The following SEC22A variants were observed in gnomAD, a reference collection of about 807,000 sequenced individuals.
SEC22A encodes SEC22 homolog A, vesicle trafficking protein.
A neutral mutation model predicts 35.3 loss-of-function variants in SEC22A; 22 were observed. The ratio of observed to expected loss-of-function variants is 0.62; its 90% CI spans 0.45 to 0.89. SEC22A has a LOEUF of 0.89. Among genes scored for constraint, SEC22A ranks in the 40% least tolerant of loss-of-function variants. The pLI is 0.00. For missense variants in SEC22A, 354 were observed against 362.5 expected (o/e 0.98, Z 0.19); for synonymous variants, 119 against 129.5 (o/e 0.92, Z 0.55).
chr3:123,247,238 G>A (rs1382890344), intron 5 of SEC22A, among the ~76,000 whole-genome samples: 1 of 151,246 alleles, frequency 6.6e-6, no homozygotes, highest in Non-Finnish European at 1.5e-5. Context: ...CTTTTTTTTT[G>A]TACTCAACAT....
At chr3:123,243,088 C>T (rs1342335027) in intron 4 of SEC22A, among the ~76,000 whole-genome samples, 3 of 152,128 alleles carry the variant, frequency 2.0e-5, no homozygotes, top group Non-Finnish European at 4.4e-5. Flanking sequence ...CCCCACTTGT[C>T]ACAAACATCG....
At chr3:123,223,043 G>T (rs970515231) in intron 2 of SEC22A, among the ~76,000 whole-genome samples, 1 of 152,066 alleles carries the variant, frequency 6.6e-6, no homozygotes, top group East Asian at 1.9e-4. Context: ...CCCTCCCATG[G>T]TTCATAATTA....
At chr3:123,251,777 G>A (rs905106912) in intron 5 of SEC22A, among the ~76,000 whole-genome samples, 16 of 151,184 alleles carry the variant, frequency 1.1e-4, no homozygotes, top group East Asian at 3.9e-4. Context: ...TCCAGTTATC[G>A]AGGACTTTAT....
chr3:123,230,844 T>C (rs976100876), intron 4 of SEC22A, among the ~76,000 whole-genome samples: 1 of 151,936 alleles, frequency 6.6e-6, no homozygotes, highest in Non-Finnish European at 1.5e-5. Context: ...TGTTAATATA[T>C]TAAATAATCC....
chr3:123,202,587 C>G (rs1936768045), intron 1 of SEC22A, among the ~76,000 whole-genome samples: 1 of 152,096 alleles, frequency 6.6e-6, no homozygotes, highest in Non-Finnish European at 1.5e-5. Context: ...GAGACCTGAG[C>G]AATTGGCTCG....
At chr3:123,246,470 T>G (rs940116272) in intron 5 of SEC22A, among the ~76,000 whole-genome samples, 1 of 152,220 alleles carries the variant, frequency 6.6e-6, no homozygotes, top group Non-Finnish European at 1.5e-5. Flanking sequence ...GGGCTGTGTT[T>G]ATTCCACTTC....
intron 5 of SEC22A, among the ~76,000 whole-genome samples, chr3:123,246,238 C>A (rs1056535545): frequency 1.3e-5 from 2 of 152,166 alleles, no homozygotes; most frequent in African/African-American, 2.4e-5. Flanking sequence ...TTTATAGGCA[C>A]CCTGGGGACC....
At position 123,223,578 on chromosome 3, in the gene SEC22A, G is replaced by C; in HGVS notation, c.202G>C (p.Val68Leu). ...CTGTAGTTTTATTAGCTCTCTGGGA[G>C]TGAGCTACATGATGTTGTGCACTGA... Reference protein sequence around the residue: ...YNINFISSLGVSYMMLCTENY... With the variant: ...YNINFISSLGLSYMMLCTENY... The change falls in exon 3 of 7, where the codon GTG becomes CTG. Residue 68 changes from valine to leucine, a missense_variant. Physicochemically the swap from Val to Leu is conservative, Grantham distance 32. Coordinates refer to ENST00000492595, the MANE Select transcript of SEC22A (RefSeq NM_012430.5). The C allele has an allele frequency of 6.2e-7, 1 of 1,613,358 alleles. No homozygotes were observed. Among genetic ancestry groups the C allele is most frequent in the East Asian group, 2.2e-5 (1 of 44,844 alleles).
intron 4 of SEC22A, among the ~76,000 whole-genome samples, chr3:123,232,466 A>G (rs940229559): frequency 2.6e-5 from 4 of 152,178 alleles, no homozygotes; most frequent in African/African-American, 9.7e-5. Flanking sequence ...CCACAAAGAA[A>G]ACTCCAGGCC....
At chr3:123,253,897 G>A (rs1452124852) in intron 5 of SEC22A, among the ~76,000 whole-genome samples, 3 of 151,388 alleles carry the variant, frequency 2.0e-5, no homozygotes, top group Non-Finnish European at 4.4e-5. Context: ...CTACAAGACA[G>A]TGCCATAAAA....
At chr3:123,218,305 A>C (rs1418651163) in intron 2 of SEC22A, among the ~76,000 whole-genome samples, 2 of 152,196 alleles carry the variant, frequency 1.3e-5, no homozygotes, top group Non-Finnish European at 2.9e-5. Context: ...CAGGTAAAAG[A>C]AAAGCAGTAC....
chr3:123,237,030 T>C (rs1420447137), intron 4 of SEC22A, among the ~76,000 whole-genome samples: 1 of 152,200 alleles, frequency 6.6e-6, no homozygotes, highest in Non-Finnish European at 1.5e-5. Context: ...AAACTTTCGG[T>C]CTCTAGGTTT....
chr3:123,221,087 T>G (rs1423037775), intron 2 of SEC22A, among the ~76,000 whole-genome samples: 1 of 151,740 alleles, frequency 6.6e-6, no homozygotes, highest in Non-Finnish European at 1.5e-5. Context: ...TGTGAACATA[T>G]TTATTCTAAA....
In SEC22A at chr3:123,225,091, T is replaced by C; in HGVS notation, c.347-12T>C. 1 of 1,530,676 alleles carries C rather than the reference T, an allele frequency of 6.5e-7. No homozygotes were observed. The highest frequency in any genetic ancestry group is 1.2e-5 in the South Asian group (1 of 81,876). 94.8% of individuals were successfully genotyped at this position (1,530,676 alleles called of 1,614,324 possible). ...AGTGACTGCAAGGAAATTTATTTTT[T>C]ATTTTACATAGATAACTTCATTCAG... On this transcript the variant is annotated splice_polypyrimidine_tract_variant and intron_variant, in intron 3 of 6. Transcript: ENST00000492595.
At chr3:123,223,908 T>C (rs992251673) in intron 3 of SEC22A, among the ~76,000 whole-genome samples, 186 bp downstream of exon 3, 3 of 152,176 alleles carry the variant, frequency 2.0e-5, no homozygotes, top group African/African-American at 7.2e-5. Flanking sequence ...GTGTTTGAGC[T>C]GTGAAGGGGA....
At chr3:123,222,578 T>C (rs549975848) in intron 2 of SEC22A, among the ~76,000 whole-genome samples, 5 of 152,328 alleles carry the variant, frequency 3.3e-5, no homozygotes, top group Non-Finnish European at 7.4e-5. Flanking sequence ...AATACACTTT[T>C]TCCTTTTCAA....
At chr3:123,255,087 T>C (rs553426886) in intron 5 of SEC22A, among the ~76,000 whole-genome samples, 2 of 152,346 alleles carry the variant, frequency 1.3e-5, no homozygotes, top group African/African-American at 2.4e-5. Context: ...TCTTATCTTA[T>C]GTACCCTCTC....
chr3:123,248,304 T>C (rs968934081), intron 5 of SEC22A, among the ~76,000 whole-genome samples: 1 of 152,186 alleles, frequency 6.6e-6, no homozygotes, highest in African/African-American at 2.4e-5. Flanking sequence ...AAGTAGGATA[T>C]TGTTAATTCT....
intron 2 of SEC22A, among the ~76,000 whole-genome samples, chr3:123,217,109 G>T (rs1407482458): frequency 6.6e-6 from 1 of 152,122 alleles, no homozygotes; most frequent in Non-Finnish European, 1.5e-5. Flanking sequence ...GATTACAGGT[G>T]TGAGCCGCTG....
Sources: allele counts gnomAD v4.1 joint callset (sites outside exome capture counted in the v4.1 genomes callset), GRCh38; gene constraint gnomAD v4.1.1; transcripts MANE v1.5; gene names NCBI Gene and HGNC (gene_info 2026-07-23, HGNC 2026-07-21).